CYP4F22: variants seen among roughly 807,000 people sequenced by gnomAD.
CYP4F22 encodes the protein ultra-long-chain fatty acid omega-hydroxylase.
Under a neutral mutation model 60.4 loss-of-function variants are expected in CYP4F22, and 37 were observed. That is an observed-to-expected ratio of 0.61 (90% CI 0.47 to 0.81). CYP4F22 has a LOEUF of 0.81. CYP4F22 is among the 30% of genes least tolerant of loss of function. The probability of loss-of-function intolerance (pLI) is 0.00; values close to 1 mark genes in which losing one functional copy is unlikely to be tolerated. For missense variants in CYP4F22, 655 were observed against 715.0 expected (o/e 0.92, Z 0.96); for synonymous variants, 258 against 280.5 (o/e 0.92, Z 0.80).
At chr19:15,541,488 CG>C (rs542527388) in intron 8 of CYP4F22, among the ~76,000 whole-genome samples, 41 of 145,814 alleles carry the variant, frequency 2.8e-4, no homozygotes, top group Middle Eastern at 3.5e-3. Flanking sequence ...TCTCCAAACA[CG>C]GTCATAGCCT....
At position 15,525,660 on chromosome 19, in the gene CYP4F22, C is replaced by T. The variant is rs527957766; in HGVS notation, c.222+102C>T. The T allele has an allele frequency of 5.6e-3, 6,395 of 1,143,968 alleles. 31 individuals carry two copies. Among genetic ancestry groups the T allele is most frequent in the Non-Finnish European group, 6.9e-3 (5,584 of 804,240 alleles). The allele number at this position is 1,143,968 out of a possible 1,614,324, so 70.9% of individuals were successfully genotyped here. ...TGGCTTCCCACAGCCTCCCAAGAAT[C>T]TGGTTGGGGCTAGCAGCAGATTTAT... On this transcript the variant is annotated intron_variant, in intron 3 of 13. Coordinates refer to ENST00000269703, the MANE Select transcript of CYP4F22 (RefSeq NM_173483.4).
chr19:15,540,149 C>T (rs568554137), intron 7 of CYP4F22, among the ~76,000 whole-genome samples: 3 of 151,962 alleles, frequency 2.0e-5, no homozygotes, highest in South Asian at 2.1e-4. Flanking sequence ...AAAATATACC[C>T]GAGACTGGGT....
intron 10 of CYP4F22, among the ~76,000 whole-genome samples, chr19:15,546,959 C>A (rs1001095837): frequency 6.7e-6 from 1 of 148,962 alleles, no homozygotes; most frequent in African/African-American, 2.5e-5. Flanking sequence ...TATCCACTTG[C>A]TTCGGCCTCC....
intron 10 of CYP4F22, among the ~76,000 whole-genome samples, chr19:15,545,629 A>G (rs1024342909): frequency 1.4e-5 from 2 of 139,406 alleles, no homozygotes; most frequent in African/African-American, 5.5e-5. Context: ...AGCCTGGGTG[A>G]CAGAGTGAGA....
At chr19:15,515,148 TC>T (rs1421236457) in intron 1 of CYP4F22, among the ~76,000 whole-genome samples, 1 of 152,184 alleles carries the variant, frequency 6.6e-6, no homozygotes, top group East Asian at 1.9e-4. Context: ...CGAGTGGCCG[TC>T]ACAACAAACC....
chr19:15,514,306 G>A (rs897099748), intron 1 of CYP4F22, among the ~76,000 whole-genome samples: 7 of 152,090 alleles, frequency 4.6e-5, no homozygotes, highest in African/African-American at 9.7e-5. Flanking sequence ...GATCTTTGTC[G>A]GTTAGATTAT....
At chr19:15,518,230 G>C (rs1049659666) in intron 1 of CYP4F22, among the ~76,000 whole-genome samples, 1 of 151,830 alleles carries the variant, frequency 6.6e-6, no homozygotes, top group Non-Finnish European at 1.5e-5. Flanking sequence ...CCAGCTACTG[G>C]GGAAGCTGAG....
intron 7 of CYP4F22, among the ~76,000 whole-genome samples, chr19:15,539,157 C>G (rs902306235): frequency 6.6e-6 from 1 of 152,164 alleles, no homozygotes; most frequent in African/African-American, 2.4e-5. Context: ...CATCAATCCT[C>G]CCCCACCCCA....
At chr19:15,515,880 C>T (rs1228972918) in intron 1 of CYP4F22, among the ~76,000 whole-genome samples, 2 of 151,906 alleles carry the variant, frequency 1.3e-5, no homozygotes, top group East Asian at 2.0e-4. Context: ...CCCGCCACCA[C>T]GTCCGGCTAA....
At chr19:15,509,864 CCTT>C (rs1971062764) in intron 1 of CYP4F22, among the ~76,000 whole-genome samples, 2 of 94,334 alleles carry the variant, frequency 2.1e-5, no homozygotes, top group Non-Finnish European at 4.6e-5. Context: ...CTCCTTCCTT[CCTT>C]CCTTCCTTCC....
At chr19:15,532,897 C>A (rs192829072) in intron 4 of CYP4F22, among the ~76,000 whole-genome samples, 2 of 152,244 alleles carry the variant, frequency 1.3e-5, no homozygotes, top group Admixed American at 6.5e-5. Flanking sequence ...ATAGGGAACT[C>A]CAGGATGGAA....
In CYP4F22 at chr19:15,551,422, C is replaced by A; in HGVS notation, c.1547C>A (p.Thr516Lys). 6.3e-7 allele frequency: 1 copy of A among 1,592,720 alleles called. No homozygotes were observed. The highest frequency in any genetic ancestry group is 8.5e-7 in the Non-Finnish European group (1 of 1,170,026). Reference protein sequence around the residue: ...VRRKPELILRTENGLWLKVEP... With the variant: ...VRRKPELILRKENGLWLKVEP... ...CGGAAGCCGGAGCTCATACTGCGCA[C>A]GGAGAACGGGCTCTGGCTCAAGGTG... The change falls in exon 14 of 14, where the codon ACG becomes AAG. Residue 516 changes from threonine to lysine, a missense_variant. Physicochemically the swap from Thr to Lys is moderately conservative, Grantham distance 78. Around this residue, in one of 3 missense-constraint regions of CYP4F22, gnomAD observed 151 missense variants for 139.4 expected, o/e 1.08. Transcript: ENST00000269703.
chr19:15,531,622 GA>G (rs1431005934), intron 4 of CYP4F22, among the ~76,000 whole-genome samples: 3 of 152,168 alleles, frequency 2.0e-5, no homozygotes, highest in Non-Finnish European at 4.4e-5. Context: ...CCTTGGGAGG[GA>G]GAATTGACTC....
rs762090356 is a variant in CYP4F22 at position 15,544,158 on chromosome 19, A to G, written c.1015A>G (p.Thr339Ala). The G allele has an allele frequency of 4.3e-6, 7 of 1,614,096 alleles. No individual in the cohort carries two copies. The South Asian group carries it at 7.7e-5, about 18-fold the overall frequency. ...CCCTCATCTCCCTGCAGGTCACGAC[A>G]CAACATCCAGTGGGATCTCTTGGAT... is the stretch of plus-strand genomic sequence containing the variant. ...ADTFMFEGHD[T>A]TSSGISWMLF... is the part of the protein sequence containing the mutation. The change falls in exon 10 of 14, where the codon ACA (threonine) becomes GCA (alanine). Residue 339 changes from threonine (T) to alanine (A), a missense_variant. Thr to Ala is a moderately conservative substitution (Grantham distance 58). Coordinates refer to ENST00000269703, the MANE Select transcript of CYP4F22 (RefSeq NM_173483.4).
At position 15,520,070 on chromosome 19, in the gene CYP4F22, C is replaced by T. The variant is rs34791588; in HGVS notation, c.-108-3623C>T. 6.4e-3 allele frequency among the ~76,000 whole-genome samples: 967 copies of T among 152,238 alleles called. 11 individuals carry two copies. The highest frequency in any genetic ancestry group is 9.6e-3 in the Non-Finnish European group (655 of 68,022). ...ATTTAAAAAGAAAGTCTCAGCCCGG[C>T]GTGGTGGCTCAAGCCTGTAATCCCA... On this transcript the variant is annotated intron_variant, in intron 1 of 13. Coordinates refer to ENST00000269703, the MANE Select transcript of CYP4F22 (RefSeq NM_173483.4).
At chr19:15,529,062 G>A (rs975108103) in intron 3 of CYP4F22, among the ~76,000 whole-genome samples, 2 of 152,058 alleles carry the variant, frequency 1.3e-5, no homozygotes, top group African/African-American at 4.8e-5. Context: ...TCCTGCCTCA[G>A]CCTCATGAGT....
In CYP4F22 at chr19:15,538,095, G is replaced by T; in HGVS notation, c.671+102G>T. ...AGGCATTAGACAACTCTGGCCTATGGGAGCTCTGCCACGGATGGGCCATGT... is the reference window on the plus strand; with the variant it reads ...AGGCATTAGACAACTCTGGCCTATGTGAGCTCTGCCACGGATGGGCCATGT... On this transcript the variant is annotated intron_variant, in intron 7 of 13. Transcript: ENST00000269703. 2.0e-6 allele frequency: 3 copies of T among 1,531,758 alleles called. No homozygotes were observed. The East Asian group carries it at 6.8e-5, about 35-fold the overall frequency. 94.9% of individuals were successfully genotyped at this position (1,531,758 alleles called of 1,614,324 possible). A position where few individuals can be genotyped will look rare whatever the true frequency, so the allele number is the denominator to read the frequency against.
intron 1 of CYP4F22, among the ~76,000 whole-genome samples, chr19:15,518,574 G>C (rs1354924731): frequency 6.7e-6 from 1 of 149,452 alleles, no homozygotes; most frequent in African/African-American, 2.5e-5. Context: ...GTGTGAACCC[G>C]GGGAGCGGAG....
In CYP4F22 at chr19:15,514,205, A is replaced by C. The variant is rs538917867; in HGVS notation, c.-109+5622A>C. Among the ~76,000 whole-genome samples, 3 of 152,346 alleles carry C rather than the reference A, an allele frequency of 2.0e-5. No individual in the cohort carries two copies. In the East Asian group the frequency reaches 5.8e-4, roughly 29 times the overall value. On this transcript the variant is annotated intron_variant, in intron 1 of 13. Coordinates refer to ENST00000269703, the MANE Select transcript of CYP4F22 (RefSeq NM_173483.4). ...GTTTTTGAAAGTCCAGGACTGTTTCAGCTGAACCATAGGGCACGTAATTTG... is the reference window on the plus strand; with the variant it reads ...GTTTTTGAAAGTCCAGGACTGTTTCCGCTGAACCATAGGGCACGTAATTTG...
Sources: gnomAD v4.1 joint callset for allele counts (sites outside exome capture counted in the v4.1 genomes callset) on GRCh38, gnomAD v4.1.1 for gene constraint, gnomAD v4.1.1 regional missense constraint, MANE v1.5 for transcripts, NCBI Gene and HGNC (gene_info 2026-07-23, HGNC 2026-07-21) for gene names.